Variants in CCDC178 observed in about 807,000 individuals in gnomAD.
CCDC178 encodes coiled-coil domain-containing protein 178.
In CCDC178, 126 loss-of-function variants were observed where a neutral mutation model predicts 117.4. The ratio of observed to expected loss-of-function variants is 1.07; its 90% CI spans 0.93 to 1.24. The LOEUF (loss-of-function observed/expected upper bound fraction) is 1.24, where lower values mean the gene tolerates loss of function less well. Among genes scored for constraint, CCDC178 ranks in the 50% most tolerant of loss-of-function variants. The pLI is 0.00. For synonymous variants in CCDC178, 283 were observed against 313.4 expected (o/e 0.90, Z 1.02); for missense variants, 1,030 against 986.9 (o/e 1.04, Z -0.59).
chr18:32,998,818 G>A (rs1348775221), intron 21 of CCDC178, among the ~76,000 whole-genome samples: 2 of 152,082 alleles, frequency 1.3e-5, no homozygotes, highest in Non-Finnish European at 2.9e-5. Context: ...CCTGAATAAT[G>A]AGCGGTCATA....
chr18:33,318,312 AG>A (rs2062448420), intron 11 of CCDC178, among the ~76,000 whole-genome samples: 1 of 152,172 alleles, frequency 6.6e-6, no homozygotes, highest in Non-Finnish European at 1.5e-5. Flanking sequence ...AATGAATATC[AG>A]GGAGGAGAAG....
intron 20 of CCDC178, among the ~76,000 whole-genome samples, chr18:33,185,651 C>A (rs954570801): frequency 1.3e-5 from 2 of 151,896 alleles, no homozygotes; most frequent in Non-Finnish European, 2.9e-5. Flanking sequence ...AGAAAAGACA[C>A]ATCAAAAATT....
chr18:33,195,323 C>T lies in CCDC178; in HGVS notation c.2238+16573G>A, dbSNP rs146848418. Among the ~76,000 whole-genome samples, 474 of 152,094 alleles carry T rather than the reference C, an allele frequency of 3.1e-3. 4 individuals are homozygous for T. Among genetic ancestry groups the T allele is most frequent in the African/African-American group, 0.011 (449 of 41,500 alleles). ...TCTCTGAAACCAACCTCTAGGGTTTCATGGCCTTAAGTTAAAAAGCTGTAA... is the reference window on the plus strand; with the variant it reads ...TCTCTGAAACCAACCTCTAGGGTTTTATGGCCTTAAGTTAAAAAGCTGTAA... On this transcript the variant is annotated intron_variant, in intron 20 of 22. Transcript: ENST00000383096.
rs1568037132 is a variant in CCDC178, at chr18:33,179,118, A to ATATATATAAAC, written c.2238+32777_2238+32778insGTTTATATATA. On this transcript the variant is annotated intron_variant, in intron 20 of 22. Coordinates refer to ENST00000383096, the MANE Select transcript of CCDC178 (RefSeq NM_001105528.4). ...ATATATATATATATATAAACTATATATATATATATAAACTATATATATATA... is the reference window on the plus strand; with the variant it reads ...ATATATATATATATATAAACTATATATATATATAAACTATATATATAAACTATATATATATA... Among the ~76,000 whole-genome samples the ATATATATAAAC allele has an allele frequency of 1.7e-3, 177 of 104,308 alleles. 4 individuals are homozygous for ATATATATAAAC. Among genetic ancestry groups the ATATATATAAAC allele is most frequent in the Non-Finnish European group, 2.1e-3 (95 of 45,950 alleles). 68.4% of individuals were successfully genotyped at this position (104,308 alleles called of 152,430 possible).
chr18:33,274,258 A>G (rs1337644232), intron 12 of CCDC178, among the ~76,000 whole-genome samples: 1 of 151,872 alleles, frequency 6.6e-6, no homozygotes, highest in South Asian at 2.1e-4. Flanking sequence ...GATAATACTG[A>G]TTGTTGCTAA....
At chr18:33,164,422 A>C (rs1568028081) in intron 20 of CCDC178, among the ~76,000 whole-genome samples, 3 of 152,076 alleles carry the variant, frequency 2.0e-5, no homozygotes, top group African/African-American at 7.2e-5. Flanking sequence ...ACCAGGATCC[A>C]TTAGTATTCT....
At chr18:33,227,589 C>G (rs1195356138) in intron 15 of CCDC178, among the ~76,000 whole-genome samples, 1 of 147,546 alleles carries the variant, frequency 6.8e-6, no homozygotes, top group African/African-American at 2.5e-5. Flanking sequence ...TACACACACA[C>G]ACACACACAT....
At chr18:33,388,693 G>T (rs1473498957) in intron 5 of CCDC178, among the ~76,000 whole-genome samples, 1 of 149,770 alleles carries the variant, frequency 6.7e-6, no homozygotes, top group East Asian at 2.0e-4. Flanking sequence ...CTAATTTTTT[G>T]TATTTTTAGT....
At chr18:33,322,621 C>T (rs113523562) in intron 11 of CCDC178, among the ~76,000 whole-genome samples, 72 of 151,552 alleles carry the variant, frequency 4.8e-4, no homozygotes, top group African/African-American at 1.6e-3. Flanking sequence ...CTTAATAACC[C>T]ATGGGTCAAA....
At chr18:33,423,984 A>G (rs1306618333) in intron 2 of CCDC178, among the ~76,000 whole-genome samples, 2 of 152,208 alleles carry the variant, frequency 1.3e-5, no homozygotes, top group African/African-American at 2.4e-5. Flanking sequence ...TAGCTTTGAT[A>G]TAGCTATGCA....
intron 15 of CCDC178, among the ~76,000 whole-genome samples, chr18:33,236,438 T>C (rs1291038558): frequency 6.6e-6 from 1 of 152,226 alleles, no homozygotes; most frequent in Non-Finnish European, 1.5e-5. Context: ...AAGTTTTTAA[T>C]GCCGTATATA....
intron 20 of CCDC178, among the ~76,000 whole-genome samples, chr18:33,167,339 A>G (rs1365290787): frequency 6.6e-6 from 1 of 152,132 alleles, no homozygotes; most frequent in African/African-American, 2.4e-5. Flanking sequence ...GAAATTGCCA[A>G]ACTGCTTTCC....
At chr18:32,969,216 A>T (rs2054876036) in intron 22 of CCDC178, among the ~76,000 whole-genome samples, 1 of 152,036 alleles carries the variant, frequency 6.6e-6, no homozygotes, top group South Asian at 2.1e-4. Context: ...AGACTCACAT[A>T]CTAGTGGGTG....
intron 20 of CCDC178, among the ~76,000 whole-genome samples, chr18:33,171,511 T>G (rs1254451999): frequency 6.6e-6 from 1 of 152,198 alleles, no homozygotes; most frequent in Non-Finnish European, 1.5e-5. Flanking sequence ...CTGGTCTGAT[T>G]TAATTCAAGA....
At chr18:33,027,869 T>G (rs2056259818) in intron 21 of CCDC178, among the ~76,000 whole-genome samples, 1 of 151,630 alleles carries the variant, frequency 6.6e-6, no homozygotes, top group Non-Finnish European at 1.5e-5. Flanking sequence ...TATTTTGATA[T>G]TTGGGCAACA....
chr18:33,236,040 A>G (rs2059423110), intron 15 of CCDC178, among the ~76,000 whole-genome samples: 1 of 152,166 alleles, frequency 6.6e-6, no homozygotes, highest in African/African-American at 2.4e-5. Flanking sequence ...CTACTCTAAG[A>G]CTGCCTAAAA....
chr18:33,250,402 T>C (rs1030604306), intron 14 of CCDC178, among the ~76,000 whole-genome samples: 3 of 148,792 alleles, frequency 2.0e-5, no homozygotes, highest in Non-Finnish European at 3.0e-5. Flanking sequence ...CTTATCATAA[T>C]ACTATGTTTA....
intron 21 of CCDC178, among the ~76,000 whole-genome samples, chr18:32,994,760 T>A (rs2055469518): frequency 6.6e-6 from 1 of 152,132 alleles, no homozygotes; most frequent in Non-Finnish European, 1.5e-5. Flanking sequence ...TCTGGAGCAT[T>A]GTGTTTAGAA....
chr18:33,108,967 C>CAAGA (rs2057743944), intron 20 of CCDC178, among the ~76,000 whole-genome samples: 1 of 151,560 alleles, frequency 6.6e-6, no homozygotes, highest in Non-Finnish European at 1.5e-5. Flanking sequence ...TCCTTCTTGT[C>CAAGA]GCTCCAGGTC....
Sources: allele counts gnomAD v4.1 joint callset (sites outside exome capture counted in the v4.1 genomes callset), GRCh38; gene constraint gnomAD v4.1.1; transcripts MANE v1.5; gene names NCBI Gene and HGNC (gene_info 2026-07-23, HGNC 2026-07-21).